FMN1: variants seen among roughly 807,000 people sequenced by gnomAD.
The protein encoded by FMN1 is formin 1, also known as formin-1.
Under a neutral mutation model 132.4 loss-of-function variants are expected in FMN1, and 110 were observed. That is an observed-to-expected ratio of 0.83 (90% CI 0.71 to 0.97). The LOEUF is 0.97. Among genes scored for constraint, FMN1 ranks in the 50% least tolerant of loss-of-function variants. FMN1 has a pLI of 0.00. For missense variants in FMN1, 1,792 were observed against 1,705.3 expected (o/e 1.05, Z -0.90); for synonymous variants, 722 against 651.7 (o/e 1.11, Z -1.64).
At chr15:33,087,820 T>TATACATATATACATATAC (rs2038757432) in intron 5 of FMN1, among the ~76,000 whole-genome samples, 1 of 126,200 alleles carries the variant, frequency 7.9e-6, no homozygotes, top group African/African-American at 3.4e-5. Context: ...TACACATATA[T>TATACATATATACATATAC]ATACATATAT....
intron 3 of FMN1, among the ~76,000 whole-genome samples, chr15:33,178,246 G>T (rs770417046): frequency 6.6e-6 from 1 of 152,150 alleles, no homozygotes; most frequent in Non-Finnish European, 1.5e-5. Context: ...CACAGTCACC[G>T]CTTCACTCCA....
intron 4 of FMN1, among the ~76,000 whole-genome samples, chr15:33,092,360 T>C (rs371556378): frequency 6.6e-6 from 1 of 152,184 alleles, no homozygotes; most frequent in African/African-American, 2.4e-5. Context: ...CATTGGATTA[T>C]TGTTCCCACT....
chr15:33,128,944 G>C (rs368596663), intron 4 of FMN1, among the ~76,000 whole-genome samples: 4 of 152,010 alleles, frequency 2.6e-5, no homozygotes, highest in East Asian at 3.9e-4. Flanking sequence ...ACAGAGTGCT[G>C]ATTGGTCCAT....
At chr15:32,989,783 CCA>C (rs2033319944) in intron 7 of FMN1, among the ~76,000 whole-genome samples, 1 of 152,100 alleles carries the variant, frequency 6.6e-6, no homozygotes, top group Non-Finnish European at 1.5e-5. Flanking sequence ...ATATATGAAA[CCA>C]CAGAGCCCAG....
intron 17 of FMN1, 29 bp from the exon 18 acceptor site, chr15:32,804,361 T>G (rs1262322432): frequency 2.1e-6 from 3 of 1,463,392 alleles, no homozygotes; most frequent in Non-Finnish European, 2.8e-6. Flanking sequence ...GATTAAAAAT[T>G]TTTTCTTCTG....
chr15:33,044,388 C>A (rs138697145), intron 6 of FMN1, among the ~76,000 whole-genome samples: 9 of 152,322 alleles, frequency 5.9e-5, no homozygotes, highest in African/African-American at 2.2e-4. Flanking sequence ...ACTTATGATG[C>A]TTTTTCCAGG....
chr15:32,818,929 A>T (rs1240002158), intron 17 of FMN1, among the ~76,000 whole-genome samples: 3 of 136,722 alleles, frequency 2.2e-5, no homozygotes, highest in East Asian at 2.0e-4. Flanking sequence ...TTCAGAAAGT[A>T]AAAAAAAAAA....
Position 32,776,875 on chromosome 15 carries a change from T to G in FMN1, c.4175A>C (p.Lys1392Thr), listed in dbSNP as rs1184492494. Residue 1392 changes from lysine to threonine, a missense_variant, in exon 20 of 21, where the codon AAG becomes ACG. By Grantham distance (78) the Lys-to-Thr change is moderately conservative. Transcript: ENST00000616417. ...QESVSKLTSE[K>T]KVETKKINPT... Reference sequence around the variant, plus strand: ...ATTGATTTTCTTTGTCTCCACTTTCTTCTCTGAAGTCAACTTGCTGACTGA... The same window carrying G: ...ATTGATTTTCTTTGTCTCCACTTTCGTCTCTGAAGTCAACTTGCTGACTGA... 6.3e-7 allele frequency: 1 copy of G among 1,597,490 alleles called. No individual in the cohort carries two copies. The highest frequency in any genetic ancestry group is 8.5e-7 in the Non-Finnish European group (1 of 1,170,542).
intron 9 of FMN1, among the ~76,000 whole-genome samples, chr15:32,928,723 G>C (rs1414963714): frequency 1.3e-5 from 2 of 152,150 alleles, no homozygotes; most frequent in African/African-American, 4.8e-5. Context: ...TCAATGACAA[G>C]GACACAGGAA....
At chr15:32,883,893 T>C (rs2059832173) in intron 16 of FMN1, among the ~76,000 whole-genome samples, 1 of 152,204 alleles carries the variant, frequency 6.6e-6, no homozygotes, top group African/African-American at 2.4e-5. Context: ...CCCTAGGATA[T>C]GATTTTCGTA....
intron 3 of FMN1, among the ~76,000 whole-genome samples, chr15:33,163,263 G>C (rs535501583): frequency 6.6e-6 from 1 of 151,838 alleles, no homozygotes; most frequent in Non-Finnish European, 1.5e-5. Flanking sequence ...AACCTGTACC[G>C]GTATTTGCTA....
At chr15:32,915,313 T>TA (rs777767689) in intron 10 of FMN1, among the ~76,000 whole-genome samples, 2 of 152,230 alleles carry the variant, frequency 1.3e-5, no homozygotes, top group Non-Finnish European at 2.9e-5. Flanking sequence ...AACAACGTAT[T>TA]AGAGAATCAA....
intron 7 of FMN1, among the ~76,000 whole-genome samples, chr15:33,001,232 G>A (rs984661541): frequency 2.6e-5 from 4 of 152,034 alleles, no homozygotes; most frequent in South Asian, 4.1e-4. Flanking sequence ...GCAGTGAGCC[G>A]AGATCACAGC....
chr15:33,105,352 T>A (rs1225701779), intron 4 of FMN1, among the ~76,000 whole-genome samples: 1 of 152,080 alleles, frequency 6.6e-6, no homozygotes, highest in East Asian at 1.9e-4. Flanking sequence ...AATTAATAGC[T>A]AGCATAATTT....
At chr15:32,972,582 C>T (rs1017129235) in intron 7 of FMN1, among the ~76,000 whole-genome samples, 1 of 152,162 alleles carries the variant, frequency 6.6e-6, no homozygotes, top group African/African-American at 2.4e-5. Flanking sequence ...TCCCTGAACT[C>T]GATTCCACCT....
chr15:33,132,748 G>C (rs189079849), intron 4 of FMN1, among the ~76,000 whole-genome samples: 4 of 152,170 alleles, frequency 2.6e-5, no homozygotes, highest in Non-Finnish European at 4.4e-5. Context: ...ATTTCCTTTT[G>C]TAATTTCAGA....
chr15:33,126,517 C>T (rs1963088933), intron 4 of FMN1, among the ~76,000 whole-genome samples: 1 of 152,196 alleles, frequency 6.6e-6, no homozygotes, highest in Non-Finnish European at 1.5e-5. Flanking sequence ...CTCTTATTCG[C>T]TGAGTACCTC....
chr15:33,148,507 T>C (rs1293196201), intron 4 of FMN1, among the ~76,000 whole-genome samples: 2 of 152,180 alleles, frequency 1.3e-5, no homozygotes, highest in East Asian at 3.8e-4. Flanking sequence ...ACACTCTGCT[T>C]TCTGGTTGGT....
intron 17 of FMN1, among the ~76,000 whole-genome samples, chr15:32,835,289 CTTATT>C (rs1286928892): frequency 3.3e-5 from 5 of 152,274 alleles, no homozygotes; most frequent in African/African-American, 1.2e-4. Context: ...AGAGGCATCT[CTTATT>C]TTATTATTTT....
Sources: gnomAD v4.1 joint callset for allele counts (sites outside exome capture counted in the v4.1 genomes callset) on GRCh38, gnomAD v4.1.1 for gene constraint, MANE v1.5 for transcripts, NCBI Gene and HGNC (gene_info 2026-07-23, HGNC 2026-07-21) for gene names.